ATG5: variants seen among roughly 807,000 people sequenced by gnomAD.
ATG5 encodes autophagy related 5, also known as autophagy protein 5.
Under a neutral mutation model 36.5 loss-of-function variants are expected in ATG5, and 14 were observed. That is an observed-to-expected ratio of 0.38 (90% confidence interval 0.25 to 0.60). The LOEUF is 0.60. Ranked by LOEUF, ATG5 falls within the 20% of genes least tolerant of loss-of-function variation. The pLI is 0.60. For synonymous variants in ATG5, 95 were observed against 101.5 expected, an observed-to-expected ratio of 0.94 and a Z score of 0.38; for missense variants, 195 against 326.7, an observed-to-expected ratio of 0.60 and a Z score of 3.11.
chr6:106,231,922 A>G (rs1409291065), intron 6 of ATG5, among the ~76,000 whole-genome samples: 1 of 152,182 alleles, frequency 6.6e-6, no homozygotes, highest in African/African-American at 2.4e-5. Flanking sequence ...TAGGCAAATC[A>G]AATGCCTAAT....
intron 5 of ATG5, among the ~76,000 whole-genome samples, chr6:106,275,634 G>C (rs1368895867): frequency 2.0e-5 from 3 of 152,008 alleles, no homozygotes; most frequent in Non-Finnish European, 4.4e-5. Context: ...AGTCACATAA[G>C]AAACAATATG....
chr6:106,299,634 C>T (rs1001971357), intron 3 of ATG5, among the ~76,000 whole-genome samples: 7 of 152,072 alleles, frequency 4.6e-5, no homozygotes, highest in Non-Finnish European at 8.8e-5. Context: ...TTTAATATTT[C>T]TTTGCTTTTT....
rs180674564 is a variant in ATG5 at position 106,250,770 on chromosome 6, G to T, written c.479-2526C>A. Among the ~76,000 whole-genome samples, 94 of 152,298 alleles carry T rather than the reference G, an allele frequency of 6.2e-4. 1 individual carries two copies. The highest frequency in any genetic ancestry group is 2.2e-3 in the African/African-American group (90 of 41,564). On this transcript the variant is annotated intron_variant, in intron 5 of 7. Coordinates refer to ENST00000369076, the MANE Select transcript of ATG5 (RefSeq NM_004849.4). ...AATCAAAGAATGGATAGAACACTATGAACATAATTTCTCATAAAAGTAAAC... is the reference window on the plus strand; with the variant it reads ...AATCAAAGAATGGATAGAACACTATTAACATAATTTCTCATAAAAGTAAAC...
chr6:106,269,271 C>T (rs1183773453), intron 5 of ATG5, among the ~76,000 whole-genome samples: 1 of 152,160 alleles, frequency 6.6e-6, no homozygotes, highest in African/African-American at 2.4e-5. Flanking sequence ...GAGCTAGATA[C>T]AGAGTGCTGA....
intron 6 of ATG5, among the ~76,000 whole-genome samples, chr6:106,243,294 A>C (rs1284355639): frequency 3.3e-5 from 5 of 152,242 alleles, no homozygotes; most frequent in Non-Finnish European, 5.9e-5. Flanking sequence ...TTATGAAAGT[A>C]AACAAAACGA....
chr6:106,259,138 A>G (rs916804815), intron 5 of ATG5, among the ~76,000 whole-genome samples: 13 of 152,204 alleles, frequency 8.5e-5, no homozygotes, highest in African/African-American at 2.2e-4. Context: ...AAACTGTTAT[A>G]TAACAACTAA....
chr6:106,287,577 A>C (rs770582219), intron 4 of ATG5, among the ~76,000 whole-genome samples: 1 of 152,152 alleles, frequency 6.6e-6, no homozygotes, highest in East Asian at 1.9e-4. Context: ...AAACGCACCA[A>C]ATCAGCACCA....
intron 3 of ATG5, among the ~76,000 whole-genome samples, chr6:106,295,966 C>T (rs940947460): frequency 1.3e-5 from 2 of 152,162 alleles, no homozygotes; most frequent in East Asian, 3.9e-4. Flanking sequence ...AACGAGAAAA[C>T]TATAAATATT....
chr6:106,239,187 C>A (rs552525804), intron 6 of ATG5, among the ~76,000 whole-genome samples: 3 of 150,780 alleles, frequency 2.0e-5, no homozygotes, highest in African/African-American at 7.3e-5. Flanking sequence ...TGTAAAAACA[C>A]AATAGGATGA....
chr6:106,279,517 A>G (rs773012502), intron 5 of ATG5, 144 bp downstream of exon 5: 13 of 640,298 alleles, frequency 2.0e-5, no homozygotes, highest in Non-Finnish European at 2.4e-5. Flanking sequence ...GGATGACTAA[A>G]AGTAGCTTCT....
chr6:106,193,813 A>G (rs1776067377), intron 7 of ATG5, among the ~76,000 whole-genome samples: 2 of 152,218 alleles, frequency 1.3e-5, no homozygotes, highest in African/African-American at 4.8e-5. Context: ...TACTGTTTAC[A>G]TATGGTCAGA....
At chr6:106,291,467 T>C (rs1780304925) in intron 4 of ATG5, among the ~76,000 whole-genome samples, 1 of 152,212 alleles carries the variant, frequency 6.6e-6, no homozygotes, top group Admixed American at 6.5e-5. Flanking sequence ...CCTGATATTA[T>C]TATATCATGG....
chr6:106,213,046 C>T (rs529985549), intron 6 of ATG5, among the ~76,000 whole-genome samples: 2 of 152,250 alleles, frequency 1.3e-5, no homozygotes, highest in East Asian at 1.9e-4. Flanking sequence ...GGTACAACAA[C>T]GACTACTACT....
chr6:106,194,059 T>A (rs1346339984), intron 7 of ATG5, among the ~76,000 whole-genome samples: 1 of 152,204 alleles, frequency 6.6e-6, no homozygotes, highest in East Asian at 1.9e-4. Flanking sequence ...AGTAATGTCA[T>A]CATTTCCAGT....
chr6:106,232,944 T>C (rs1266552666), intron 6 of ATG5, among the ~76,000 whole-genome samples: 1 of 152,170 alleles, frequency 6.6e-6, no homozygotes, highest in Non-Finnish European at 1.5e-5. Context: ...ACCTGGACTG[T>C]TTCACCCCAA....
intron 3 of ATG5, among the ~76,000 whole-genome samples, chr6:106,302,079 C>T (rs1029286299): frequency 5.3e-5 from 8 of 151,682 alleles, no homozygotes; most frequent in Admixed American, 2.6e-4. Flanking sequence ...AGAGATGGCA[C>T]AAACGTAGAA....
chr6:106,248,456 T>G (rs1286203544), intron 5 of ATG5, among the ~76,000 whole-genome samples: 1 of 152,228 alleles, frequency 6.6e-6, no homozygotes, highest in East Asian at 1.9e-4. Context: ...TCCCTAGATA[T>G]TCGCACAGCC....
At chr6:106,221,887 G>A (rs1184444076) in intron 6 of ATG5, among the ~76,000 whole-genome samples, 1 of 151,988 alleles carries the variant, frequency 6.6e-6, no homozygotes, top group East Asian at 1.9e-4. Flanking sequence ...AAAAATATGA[G>A]TGTCTTATTA....
At chr6:106,229,400 GAGAC>G (rs1181102336) in intron 6 of ATG5, among the ~76,000 whole-genome samples, 6 of 151,914 alleles carry the variant, frequency 3.9e-5, no homozygotes, top group South Asian at 2.1e-4. Context: ...GAGACAGTGA[GAGAC>G]AGACAGAGAC....
Sources: allele counts gnomAD v4.1 joint callset (sites outside exome capture counted in the v4.1 genomes callset), GRCh38; gene constraint gnomAD v4.1.1; transcripts MANE v1.5; gene names NCBI Gene and HGNC (gene_info 2026-07-23, HGNC 2026-07-21).